KCNN3: variants seen among roughly 807,000 people sequenced by gnomAD.
The protein encoded by KCNN3 is potassium calcium-activated channel subfamily N member 3.
KCNN3 carries 16 observed loss-of-function variants against 62.9 expected under a neutral mutation model. The ratio of observed to expected loss-of-function variants is 0.25; its 90% CI spans 0.17 to 0.39. The LOEUF is 0.39. Among genes scored for constraint, KCNN3 ranks in the 10% least tolerant of loss-of-function variants. The pLI is 1.00. For missense variants in KCNN3, 599 were observed against 949.4 expected, an observed-to-expected ratio of 0.63 and a Z score of 4.85; for synonymous variants, 370 against 389.2, an observed-to-expected ratio of 0.95 and a Z score of 0.58.
At chr1:154,770,301 G>A (rs1459556864) in intron 3 of KCNN3, among the ~76,000 whole-genome samples, 2 of 152,212 alleles carry the variant, frequency 1.3e-5, no homozygotes, top group African/African-American at 4.8e-5. Context: ...TTCTGCGGCA[G>A]CAGAATGCCC....
intron 3 of KCNN3, among the ~76,000 whole-genome samples, chr1:154,745,328 C>T (rs1454866573): frequency 6.6e-6 from 1 of 152,222 alleles, no homozygotes; most frequent in Admixed American, 6.5e-5. Flanking sequence ...ATGCGACTTG[C>T]CGCCAAACAA....
intron 2 of KCNN3, among the ~76,000 whole-genome samples, chr1:154,813,160 G>A (rs1428127807): frequency 6.6e-6 from 1 of 150,926 alleles, no homozygotes; most frequent in Non-Finnish European, 1.5e-5. Flanking sequence ...AGAATGGGCA[G>A]AGGGTTGCTG....
At chr1:154,819,290 C>T (rs1274932578) in intron 2 of KCNN3, among the ~76,000 whole-genome samples, 1 of 152,092 alleles carries the variant, frequency 6.6e-6, no homozygotes, top group Non-Finnish European at 1.5e-5. Context: ...GAAACTGAGG[C>T]CCGAGACCAA....
At position 154,868,068 on chromosome 1, in the gene KCNN3, C is replaced by T. The variant is rs892425484; in HGVS notation, c.933+964G>A. On this transcript the variant is annotated intron_variant, in intron 1 of 7. Transcript: ENST00000271915. ...AAGCCAGTGCCTGCTGTTCTCCATC[C>T]GGGCGCGCACTCACACACACACTCA... is the stretch of plus-strand genomic sequence containing the variant. 134 of 985,490 alleles carry T rather than the reference C, an allele frequency of 1.4e-4. No individual in the cohort carries two copies. In the South Asian group the frequency reaches 2.3e-3, roughly 17 times the overall value. The allele number at this position is 985,490 out of a possible 1,614,324, so 61.0% of individuals were successfully genotyped here. A position where few individuals can be genotyped will look rare whatever the true frequency, so the allele number is the denominator to read the frequency against.
chr1:154,759,187 C>T (rs1571246807), intron 3 of KCNN3, among the ~76,000 whole-genome samples: 1 of 152,160 alleles, frequency 6.6e-6, no homozygotes, highest in South Asian at 2.1e-4. Flanking sequence ...CCCAGCCTGG[C>T]GCGGGGGCCC....
chr1:154,819,427 A>G (rs1468601099), intron 2 of KCNN3, among the ~76,000 whole-genome samples: 1 of 152,188 alleles, frequency 6.6e-6, no homozygotes, highest in Non-Finnish European at 1.5e-5. Context: ...AGACACTATA[A>G]GTCTCTGGAC....
intron 2 of KCNN3, among the ~76,000 whole-genome samples, chr1:154,812,941 A>G (rs1363912617): frequency 6.6e-6 from 1 of 152,238 alleles, no homozygotes; most frequent in Admixed American, 6.5e-5. Context: ...AACCGCTCAC[A>G]GCCACTCTCC....
At chr1:154,756,194 G>GGA (rs1553231135) in intron 3 of KCNN3, among the ~76,000 whole-genome samples, 1 of 117,910 alleles carries the variant, frequency 8.5e-6, no homozygotes, top group Admixed American at 9.0e-5. Flanking sequence ...GGATGGGGAG[G>GGA]GGAGGAGGAG....
intron 7 of KCNN3, among the ~76,000 whole-genome samples, 197 bp from the exon 8 acceptor site, chr1:154,708,469 A>G (rs967257924): frequency 2.0e-5 from 3 of 152,156 alleles, no homozygotes; most frequent in African/African-American, 2.4e-5. Context: ...TCTTATTACA[A>G]AAGTAATGAG....
At chr1:154,776,237 C>T (rs1648786321) in intron 2 of KCNN3, among the ~76,000 whole-genome samples, 1 of 152,212 alleles carries the variant, frequency 6.6e-6, no homozygotes, top group Admixed American at 6.5e-5. Context: ...CTTCTCCGAG[C>T]TTGTTTCCAC....
chr1:154,712,599 C>A (rs1700101523), intron 7 of KCNN3, among the ~76,000 whole-genome samples: 1 of 152,216 alleles, frequency 6.6e-6, no homozygotes, highest in Non-Finnish European at 1.5e-5. Flanking sequence ...CTTGCTTACC[C>A]AGGGAATGTG....
At chr1:154,738,048 A>ATT (rs1214063785) in intron 3 of KCNN3, among the ~76,000 whole-genome samples, 1 of 152,348 alleles carries the variant, frequency 6.6e-6, no homozygotes, top group East Asian at 1.9e-4. Context: ...GAGAGAAGTA[A>ATT]TTATTTTAAA....
At chr1:154,834,820 C>G in intron 1 of KCNN3, among the ~76,000 whole-genome samples, 1 of 152,210 alleles carries the variant, frequency 6.6e-6, no homozygotes, top group African/African-American at 2.4e-5. Context: ...TTGAAACACA[C>G]AGCTTCTGAT....
chr1:154,837,993 T>C (rs1651670022), intron 1 of KCNN3, among the ~76,000 whole-genome samples: 1 of 152,134 alleles, frequency 6.6e-6, no homozygotes, highest in Admixed American at 6.5e-5. Context: ...CAGGCAGGCC[T>C]GAATTACGAG....
chr1:154,782,950 C>G (rs1295297213), intron 2 of KCNN3, among the ~76,000 whole-genome samples: 1 of 152,214 alleles, frequency 6.6e-6, no homozygotes, highest in Non-Finnish European at 1.5e-5. Flanking sequence ...CGGAGGCTCA[C>G]GCCTGTAATC....
intron 2 of KCNN3, among the ~76,000 whole-genome samples, chr1:154,774,601 A>G (rs1455857446): frequency 2.6e-5 from 4 of 152,224 alleles, no homozygotes; most frequent in African/African-American, 9.6e-5. Context: ...TTATCATCAC[A>G]CTATGCCCTC....
At chr1:154,837,248 G>A (rs781712791) in intron 1 of KCNN3, among the ~76,000 whole-genome samples, 8 of 152,036 alleles carry the variant, frequency 5.3e-5, no homozygotes, top group Non-Finnish European at 8.8e-5. Context: ...ACAGGCGCAC[G>A]CCACCACCAT....
At chr1:154,750,866 T>C (rs1647345030) in intron 3 of KCNN3, among the ~76,000 whole-genome samples, 1 of 152,136 alleles carries the variant, frequency 6.6e-6, no homozygotes, top group Admixed American at 6.5e-5. Flanking sequence ...CCCCCTCAGC[T>C]TCTGAGCTTT....
intron 1 of KCNN3, among the ~76,000 whole-genome samples, chr1:154,861,334 G>A (rs1389387146): frequency 6.6e-6 from 1 of 152,038 alleles, no homozygotes; most frequent in African/African-American, 2.4e-5. Context: ...GCAGAACTCT[G>A]CAGCCCTGGT....
Sources: gnomAD v4.1 joint callset for allele counts (sites outside exome capture counted in the v4.1 genomes callset) on GRCh38, gnomAD v4.1.1 for gene constraint, MANE v1.5 for transcripts, NCBI Gene and HGNC (gene_info 2026-07-23, HGNC 2026-07-21) for gene names.